TBC1D1: variants seen among roughly 807,000 people sequenced by gnomAD.
TBC1D1 encodes the protein TBC1 domain family member 1.
A neutral mutation model predicts 125.6 loss-of-function variants in TBC1D1; 89 were observed. The ratio of observed to expected loss-of-function variants is 0.71; its 90% CI spans 0.60 to 0.85. The LOEUF is 0.85. TBC1D1 is among the 40% of genes least tolerant of loss of function. The pLI, the probability that TBC1D1 is intolerant of heterozygous loss-of-function variation, is 0.00. For missense variants in TBC1D1, 1,377 were observed against 1,469.2 expected, an observed-to-expected ratio of 0.94 and a Z score of 1.03; for synonymous variants, 565 against 564.1, an observed-to-expected ratio of 1.00 and a Z score of -0.02.
chr4:37,941,034 C>T (rs1047185038), intron 2 of TBC1D1, among the ~76,000 whole-genome samples: 4 of 152,094 alleles, frequency 2.6e-5, no homozygotes, highest in Admixed American at 6.5e-5. Context: ...TGATGTTGGC[C>T]TTAAAAAATG....
At chr4:38,030,737 C>G (rs142646874) in intron 7 of TBC1D1, among the ~76,000 whole-genome samples, 1 of 152,096 alleles carries the variant, frequency 6.6e-6, no homozygotes, top group African/African-American at 2.4e-5. Context: ...TCAGTCTTTC[C>G]TGGAGGGGAA....
chr4:38,068,388 A>G (rs894982862), intron 12 of TBC1D1, among the ~76,000 whole-genome samples: 47 of 151,840 alleles, frequency 3.1e-4, no homozygotes, highest in African/African-American at 1.0e-3. Context: ...TGCCCAGGAC[A>G]CTCCTGCTCG....
At chr4:38,105,555 A>C (rs888454264) in intron 15 of TBC1D1, among the ~76,000 whole-genome samples, 3 of 152,106 alleles carry the variant, frequency 2.0e-5, no homozygotes, top group Admixed American at 1.3e-4. Flanking sequence ...CAAGCATGGT[A>C]CCCAATAGGT....
chr4:37,960,536 A>C (rs765817753), intron 2 of TBC1D1: 1 of 1,614,198 alleles, frequency 6.2e-7, no homozygotes, highest in Non-Finnish European at 8.5e-7. Context: ...CAATCAAAGC[A>C]TTAGATGGGA....
chr4:37,974,306 C>A (rs1173918536), intron 2 of TBC1D1, among the ~76,000 whole-genome samples: 3 of 152,154 alleles, frequency 2.0e-5, no homozygotes, highest in African/African-American at 7.2e-5. Flanking sequence ...TCTCAACTCA[C>A]TGCAGTTTCG....
chr4:38,028,037 C>T (rs1745391221), intron 7 of TBC1D1, among the ~76,000 whole-genome samples, 158 bp downstream of exon 7: 1 of 151,872 alleles, frequency 6.6e-6, no homozygotes, highest in Non-Finnish European at 1.5e-5. Context: ...TTTGGCTTCC[C>T]TGGGCCACAT....
At chr4:38,064,448 A>G (rs939323653) in intron 12 of TBC1D1, among the ~76,000 whole-genome samples, 1 of 152,100 alleles carries the variant, frequency 6.6e-6, no homozygotes, top group Non-Finnish European at 1.5e-5. Flanking sequence ...GCAGGCTGCC[A>G]TGTGCCTTTC....
intron 15 of TBC1D1, among the ~76,000 whole-genome samples, chr4:38,114,281 A>G (rs7673012): frequency 0.21 from 32,231 of 151,894 alleles, 3,672 homozygotes; most frequent in Non-Finnish European, 0.24. Flanking sequence ...TCTGGGGGAG[A>G]TTTACTGGGG....
intron 2 of TBC1D1, among the ~76,000 whole-genome samples, chr4:38,001,801 T>C (rs1381913195): frequency 6.6e-6 from 1 of 152,210 alleles, no homozygotes; most frequent in East Asian, 1.9e-4. Context: ...TATACATCTC[T>C]CAAATACTGT....
At chr4:38,044,217 T>C (rs1401306907) in intron 8 of TBC1D1, 145 bp from the exon 9 acceptor site, 1 of 819,100 alleles carries the variant, frequency 1.2e-6, no homozygotes, top group Non-Finnish European at 1.8e-6. Context: ...CTTGCAGCCA[T>C]GTCACTAAGG....
Position 38,137,486 on chromosome 4 carries a change from A to G in TBC1D1, c.*151A>G. On this transcript the variant is annotated 3_prime_UTR_variant, in exon 20 of 20. Coordinates refer to ENST00000261439, the MANE Select transcript of TBC1D1 (RefSeq NM_015173.4). Reference sequence around the variant, plus strand: ...AGCAAGTAGATTCTTACGAACTCCAACTTGCAATTCAGGGGGCATGTCCCA... The same window carrying G: ...AGCAAGTAGATTCTTACGAACTCCAGCTTGCAATTCAGGGGGCATGTCCCA... The G allele has an allele frequency of 8.6e-7, 1 of 1,163,316 alleles. No individual in the cohort carries two copies. Among genetic ancestry groups the G allele is most frequent in the Non-Finnish European group, 1.1e-6 (1 of 903,982 alleles). 72.1% of individuals were successfully genotyped at this position (1,163,316 alleles called of 1,614,324 possible).
chr4:38,102,955 A>T, intron 14 of TBC1D1, 44 bp from the exon 17 acceptor site: 1 of 1,571,292 alleles, frequency 6.4e-7, no homozygotes, highest in Non-Finnish European at 8.7e-7. Flanking sequence ...ATTAAGTTGT[A>T]TTCTGTGCAT....
chr4:38,065,997 A>T (rs141570527), intron 12 of TBC1D1, among the ~76,000 whole-genome samples: 2 of 152,340 alleles, frequency 1.3e-5, no homozygotes, highest in East Asian at 3.9e-4. Context: ...TGAGTGACAC[A>T]GTTATGTCTC....
intron 2 of TBC1D1, among the ~76,000 whole-genome samples, chr4:37,944,985 G>A (rs545270731): frequency 2.0e-5 from 3 of 152,278 alleles, no homozygotes; most frequent in Non-Finnish European, 2.9e-5. Context: ...TCAACAAGTC[G>A]TGATTTGAAT....
rs1742150275 is a variant in TBC1D1, at chr4:38,014,342, G to A, written c.418-167G>A. Among the ~76,000 whole-genome samples, 1 of 152,188 alleles carries A rather than the reference G, an allele frequency of 6.6e-6. No individual in the cohort carries two copies. The highest frequency in any genetic ancestry group is 1.5e-5 in the Non-Finnish European group (1 of 68,028). On this transcript the variant is annotated intron_variant, in intron 2 of 19. Transcript: ENST00000261439. This position sits in a 1 kb window ranked among gnomAD's most constrained non-coding sequence, Gnocchi z 5.1. The stretch of plus-strand genomic sequence containing the variant: ...GAAGCTGTGTGTTCACCTCCCATGG[G>A]AAGACATTCCTAGTCCCCTCCCGTG...
chr4:37,956,483 A>G (rs1055298057), intron 2 of TBC1D1, among the ~76,000 whole-genome samples: 1 of 152,234 alleles, frequency 6.6e-6, no homozygotes, highest in Non-Finnish European at 1.5e-5. Flanking sequence ...TAGGTGCTCA[A>G]TACATATTGA....
At chr4:38,037,222 C>G (rs4832747) in intron 8 of TBC1D1, among the ~76,000 whole-genome samples, 96,673 of 151,606 alleles carry the variant, frequency 0.64, 31,523 homozygotes, top group African/African-American at 0.77. Context: ...TATGGACCAG[C>G]ATAATATTTT....
At chr4:38,053,312 T>G in intron 11 of TBC1D1, 87 bp downstream of exon 13, 1 of 1,136,250 alleles carries the variant, frequency 8.8e-7, no homozygotes, top group South Asian at 3.9e-5. Flanking sequence ...ATTACTATTT[T>G]GCCATTTAAA....
chr4:37,992,265 C>A (rs898553290), intron 2 of TBC1D1, among the ~76,000 whole-genome samples: 13 of 151,982 alleles, frequency 8.6e-5, no homozygotes, highest in Admixed American at 7.2e-4. Context: ...CAAGTGTAGG[C>A]CCGGACCAGC....
Sources: gnomAD v4.1 joint callset for allele counts (sites outside exome capture counted in the v4.1 genomes callset) on GRCh38, gnomAD v4.1.1 for gene constraint, Gnocchi (gnomAD v3.1) non-coding constraint, MANE v1.5 for transcripts, NCBI Gene and HGNC (gene_info 2026-07-23, HGNC 2026-07-21) for gene names.